SUMF1: variants seen among roughly 807,000 people sequenced by gnomAD.
SUMF1 encodes the protein formylglycine-generating enzyme.
Under a neutral mutation model 47.6 loss-of-function variants are expected in SUMF1, and 48 were observed. The observed-to-expected ratio is 1.01, with a 90% confidence interval of 0.80 to 1.28. SUMF1 has a LOEUF of 1.28. SUMF1 is among the 50% of genes most tolerant of loss of function. SUMF1 has a pLI of 0.00. For synonymous variants in SUMF1, 230 were observed against 192.1 expected (o/e 1.20, Z -1.63); for missense variants, 571 against 485.4 (o/e 1.18, Z -1.66).
chr3:4,127,281 C>G (rs183400468), intron 8 of SUMF1, among the ~76,000 whole-genome samples: 1 of 152,234 alleles, frequency 6.6e-6, no homozygotes, highest in Non-Finnish European at 1.5e-5. Context: ...TTCCCAACCT[C>G]ACAGGGTGTT....
intron 8 of SUMF1, among the ~76,000 whole-genome samples, chr3:4,270,851 G>A (rs923335343): frequency 2.6e-5 from 4 of 152,120 alleles, no homozygotes; most frequent in Admixed American, 2.6e-4. Context: ...TAAAGGGCTT[G>A]GTATTCTTAA....
chr3:4,091,721 C>T (rs1267336906), intron 8 of SUMF1, among the ~76,000 whole-genome samples: 1 of 152,004 alleles, frequency 6.6e-6, no homozygotes, highest in Non-Finnish European at 1.5e-5. Context: ...TGTGGCAGGA[C>T]CAGTTTGTGC....
chr3:4,440,230 C>T (rs1036331438), intron 3 of SUMF1, among the ~76,000 whole-genome samples: 7 of 116,906 alleles, frequency 6.0e-5, no homozygotes, highest in Non-Finnish European at 3.3e-5. Context: ...GCAACAAGAG[C>T]GAGACTCTGT....
intron 8 of SUMF1, among the ~76,000 whole-genome samples, chr3:4,107,431 CA>C (rs1222926624): frequency 2.6e-5 from 4 of 152,104 alleles, no homozygotes; most frequent in Admixed American, 2.6e-4. Context: ...CCTAAGGATA[CA>C]AAATGGGCAA....
intron 8 of SUMF1, among the ~76,000 whole-genome samples, chr3:4,165,424 C>T (rs1391790554): frequency 1.3e-5 from 2 of 151,910 alleles, no homozygotes; most frequent in Non-Finnish European, 2.9e-5. Context: ...TTACTTATTT[C>T]CTTCTGGGTG....
intron 8 of SUMF1, among the ~76,000 whole-genome samples, chr3:4,149,141 C>T (rs7629370): frequency 6.6e-6 from 1 of 152,050 alleles, no homozygotes; most frequent in Admixed American, 6.6e-5. Context: ...GAGCGTTTTG[C>T]CCTACAGAGA....
At chr3:4,439,577 G>A (rs2047716757) in intron 3 of SUMF1, among the ~76,000 whole-genome samples, 1 of 151,880 alleles carries the variant, frequency 6.6e-6, no homozygotes, top group African/African-American at 2.4e-5. Flanking sequence ...AAATGGCAGA[G>A]CTGAGATTCA....
intron 8 of SUMF1, among the ~76,000 whole-genome samples, chr3:4,248,461 G>T (rs1696718972): frequency 6.6e-6 from 1 of 152,184 alleles, no homozygotes; most frequent in Non-Finnish European, 1.5e-5. Context: ...CAAGGCAAAA[G>T]CAATTTCCCA....
At chr3:4,414,782 T>G (rs1314391992) in intron 6 of SUMF1, 2 of 152,232 alleles carry the variant, frequency 1.3e-5, no homozygotes, top group Non-Finnish European at 2.9e-5. Flanking sequence ...GGTACACTGA[T>G]TTTAGAAGAG....
intron 8 of SUMF1, among the ~76,000 whole-genome samples, chr3:4,086,255 T>C (rs1477699829): frequency 6.6e-6 from 1 of 151,332 alleles, no homozygotes; most frequent in Non-Finnish European, 1.5e-5. Flanking sequence ...TAAACTGGGG[T>C]AAACTAAAAC....
chr3:4,205,579 T>C (rs1222444767), intron 8 of SUMF1, among the ~76,000 whole-genome samples: 1 of 152,210 alleles, frequency 6.6e-6, no homozygotes, highest in Non-Finnish European at 1.5e-5. Context: ...TTTCTAAGTA[T>C]TCAAAGGGCA....
At chr3:4,340,737 C>T (rs1175690938) in intron 8 of SUMF1, among the ~76,000 whole-genome samples, 6 of 152,090 alleles carry the variant, frequency 3.9e-5, no homozygotes, top group Non-Finnish European at 8.8e-5. Flanking sequence ...GAAGAGAGAT[C>T]GTGTGAGAGC....
intron 8 of SUMF1, among the ~76,000 whole-genome samples, chr3:4,270,987 T>G (rs540132916): frequency 1.6e-4 from 24 of 152,330 alleles, no homozygotes; most frequent in African/African-American, 5.8e-4. Context: ...GAGAAAACAC[T>G]TAAGTCTGAA....
chr3:4,219,134 A>G (rs1466425547), intron 8 of SUMF1, among the ~76,000 whole-genome samples: 1 of 152,106 alleles, frequency 6.6e-6, no homozygotes, highest in Non-Finnish European at 1.5e-5. Context: ...AACTGCAATT[A>G]CTCTCCTGAA....
chr3:4,213,685 A>G (rs998012753), intron 8 of SUMF1, among the ~76,000 whole-genome samples: 9 of 152,336 alleles, frequency 5.9e-5, no homozygotes, highest in African/African-American at 1.9e-4. Context: ...TCAAAGACAC[A>G]CATAGGCTCA....
chr3:4,345,841 T>A (rs1463985540), intron 8 of SUMF1, among the ~76,000 whole-genome samples: 1 of 151,342 alleles, frequency 6.6e-6, no homozygotes, highest in African/African-American at 2.4e-5. Context: ...TGGAGGAAAA[T>A]TTACCAAGCA....
In SUMF1 at chr3:4,422,159, G is replaced by A. The variant is rs139902106; in HGVS notation, c.520-2013C>T. Among the ~76,000 whole-genome samples, 181 of 152,264 alleles carry A rather than the reference G, an allele frequency of 1.2e-3. 1 individual carries two copies. The highest frequency in any genetic ancestry group is 4.1e-3 in the African/African-American group (170 of 41,536). Reference sequence around the variant, plus strand: ...GGCTTCTTTCTATTTCATTTGTGGCGCTGTAGAAGTTCCTCTGGGGGCTGT... The same window carrying A: ...GGCTTCTTTCTATTTCATTTGTGGCACTGTAGAAGTTCCTCTGGGGGCTGT... On this transcript the variant is annotated intron_variant, in intron 3 of 8. Transcript: ENST00000272902.
chr3:4,213,811 G>T (rs1285334244), intron 8 of SUMF1, among the ~76,000 whole-genome samples: 1 of 152,156 alleles, frequency 6.6e-6, no homozygotes, highest in Non-Finnish European at 1.5e-5. Flanking sequence ...AAGAGACAAA[G>T]AAGGCCATTA....
chr3:4,172,630 T>C (rs991843941), intron 8 of SUMF1, among the ~76,000 whole-genome samples: 1 of 152,228 alleles, frequency 6.6e-6, no homozygotes, highest in African/African-American at 2.4e-5. Flanking sequence ...GTTTGTTGGC[T>C]GCAGAAATGT....
Sources: allele counts gnomAD v4.1 joint callset (sites outside exome capture counted in the v4.1 genomes callset), GRCh38; gene constraint gnomAD v4.1.1; transcripts MANE v1.5; gene names NCBI Gene and HGNC (gene_info 2026-07-23, HGNC 2026-07-21).